The following UBE2U variants were observed in gnomAD, a reference collection of about 807,000 sequenced individuals.
The protein encoded by UBE2U is ubiquitin conjugating enzyme E2 U, also known as ubiquitin-conjugating enzyme E2 U.
Under a neutral mutation model 41.2 loss-of-function variants are expected in UBE2U, and 39 were observed. The ratio of observed to expected loss-of-function variants is 0.95; its 90% CI spans 0.73 to 1.24. The LOEUF is 1.24. Among genes scored for constraint, UBE2U ranks in the 50% most tolerant of loss-of-function variants. The pLI, the probability that UBE2U is intolerant of heterozygous loss-of-function variation, is 0.00. For missense variants in UBE2U, 336 were observed against 363.1 expected (o/e 0.93, Z 0.61); for synonymous variants, 107 against 117.8 (o/e 0.91, Z 0.60).
At chr1:64,207,561 G>A (rs1335271200) in intron 3 of UBE2U, among the ~76,000 whole-genome samples, 1 of 152,062 alleles carries the variant, frequency 6.6e-6, no homozygotes, top group Non-Finnish European at 1.5e-5. Context: ...CAATATTTTA[G>A]TTGGATCTAA....
intron 6 of UBE2U, among the ~76,000 whole-genome samples, chr1:64,229,017 T>C (rs1191915691): frequency 6.6e-6 from 1 of 152,060 alleles, no homozygotes; most frequent in South Asian, 2.1e-4. Flanking sequence ...CACGCCATCA[T>C]GCTCAGCTTA....
intron 6 of UBE2U, among the ~76,000 whole-genome samples, chr1:64,221,278 A>AT (rs961848515): frequency 2.0e-5 from 3 of 151,974 alleles, no homozygotes; most frequent in African/African-American, 7.3e-5. Flanking sequence ...CACCCGGCTA[A>AT]TTTTTTGTAT....
At position 64,253,724 on chromosome 1, in the gene UBE2U, A is replaced by G. The variant is rs187628162; in HGVS notation, c.678-6879A>G. On this transcript the variant is annotated intron_variant, in intron 8 of 9. Coordinates refer to ENST00000371077, the MANE Select transcript of UBE2U (RefSeq NM_001366232.2). ...AGAAAAGCAAATGCTGAGGGAATTC[A>G]TCACCACCAGGCCTGCCTTGCAAGA... 1.0e-3 allele frequency among the ~76,000 whole-genome samples: 157 copies of G among 152,298 alleles called. 1 individual carries two copies. The highest frequency in any genetic ancestry group is 3.7e-3 in the African/African-American group (152 of 41,566).
At chr1:64,216,275 T>G (rs1652006195) in intron 5 of UBE2U, among the ~76,000 whole-genome samples, 1 of 152,224 alleles carries the variant, frequency 6.6e-6, no homozygotes, top group Non-Finnish European at 1.5e-5. Context: ...GAAAATTCCC[T>G]TCTTCTAAGT....
chr1:64,232,588 T>C lies in UBE2U; in HGVS notation c.534T>C (p.Asp178=), dbSNP rs776284126. 2 of 1,613,356 alleles carry C rather than the reference T, an allele frequency of 1.2e-6. No individual in the cohort carries two copies. Among genetic ancestry groups the C allele is most frequent in the South Asian group, 2.2e-5 (2 of 90,976 alleles). ...IRPIKTTSFS[D]YYQTWSRIAT... is the part of the protein sequence containing the mutation. ...CAATTAAAACAACCTCATTTAGTGA[T>C]TACTACCAGACATGGTCCAGAATAG... The change falls in exon 7 of 10, where the codon GAT becomes GAC. Residue 178 remains aspartate, a synonymous_variant. Coordinates refer to ENST00000371077, the MANE Select transcript of UBE2U (RefSeq NM_001366232.2).
At chr1:64,214,766 TA>T in intron 4 of UBE2U, 48 bp from the exon 5 acceptor site, 4 of 1,503,800 alleles carry the variant, frequency 2.7e-6, no homozygotes, top group Non-Finnish European at 2.8e-6. Context: ...CGTTTTGCTC[TA>T]AAAAAAGTTT....
intron 3 of UBE2U, among the ~76,000 whole-genome samples, chr1:64,208,603 C>CAAAAAAAAAAAAA (rs56972795): frequency 5.5e-5 from 2 of 36,464 alleles, no homozygotes; most frequent in African/African-American, 1.2e-4. Flanking sequence ...GACGCTGTCT[C>CAAAAAAAAAAAAA]AAAAAAAAAA....
At position 64,206,755 on chromosome 1, in the gene UBE2U, A is replaced by G. The variant is rs1362349855; in HGVS notation, c.149-9A>G. 1.3e-6 allele frequency: 2 copies of G among 1,510,590 alleles called. No homozygotes were observed. Among genetic ancestry groups the G allele is most frequent in the East Asian group, 2.3e-5 (1 of 44,306 alleles). The allele number at this position is 1,510,590 out of a possible 1,614,324, so 93.6% of individuals were successfully genotyped here. On this transcript the variant is annotated splice_polypyrimidine_tract_variant and intron_variant, in intron 2 of 9. Transcript: ENST00000371077. ...CACTTTAGTAAAAATGTTTATTTCT[A>G]TATTATAGGTTTAGTCTTCCAACTG...
chr1:64,250,843 C>T (rs1644995924), intron 8 of UBE2U, among the ~76,000 whole-genome samples: 1 of 146,554 alleles, frequency 6.8e-6, no homozygotes, highest in East Asian at 2.0e-4. Flanking sequence ...TGTTCTCACT[C>T]ATAGGTGGGA....
rs1256130767 is a variant in UBE2U at position 64,205,670 on chromosome 1, T to C, written c.98T>C (p.Met33Thr). ...ACTGCTAAGCCTGTAAGTGAAGATA[T>C]GATGGAATGGGAAGTTGAAATTGAA... ...GITAKPVSED[M>T]MEWEVEIEGL... The change falls in exon 2 of 10, where the codon ATG becomes ACG. Residue 33 changes from methionine (M) to threonine (T), a missense_variant. Met to Thr is a moderately conservative substitution (Grantham distance 81). Transcript: ENST00000371077. 3 of 1,613,230 alleles carry C rather than the reference T, an allele frequency of 1.9e-6. No homozygotes were observed. The highest frequency in any genetic ancestry group is 1.7e-5 in the Admixed American group (1 of 59,968).
chr1:64,262,839 G>A (rs890008176), intron 9 of UBE2U, among the ~76,000 whole-genome samples: 5 of 152,074 alleles, frequency 3.3e-5, no homozygotes, highest in South Asian at 2.1e-4. Flanking sequence ...GAGTCTGTCC[G>A]GCACACATGC....
intron 7 of UBE2U, among the ~76,000 whole-genome samples, chr1:64,238,412 AAAAG>A (rs1480709863): frequency 1.3e-5 from 2 of 151,764 alleles, no homozygotes; most frequent in East Asian, 1.9e-4. Flanking sequence ...AAAAAAAAAA[AAAAG>A]AAAAGATAAA....
At chr1:64,211,700 C>A (rs1651674806) in intron 4 of UBE2U, among the ~76,000 whole-genome samples, 1 of 152,200 alleles carries the variant, frequency 6.6e-6, no homozygotes, top group Admixed American at 6.5e-5. Context: ...CTCAGCCTCC[C>A]AAAATGCTGG....
At position 64,214,700 on chromosome 1, in the gene UBE2U, C is replaced by A; in HGVS notation, c.340-115C>A. On this transcript the variant is annotated intron_variant, in intron 4 of 9. Coordinates refer to ENST00000371077, the MANE Select transcript of UBE2U (RefSeq NM_001366232.2). Reference sequence around the variant, plus strand: ...GTTATTTTTTAATCTATTTCCAGATCCATACATAGTAAGCATTTAATACAT... The same window carrying A: ...GTTATTTTTTAATCTATTTCCAGATACATACATAGTAAGCATTTAATACAT... 3 of 725,760 alleles carry A rather than the reference C, an allele frequency of 4.1e-6. No homozygotes were observed. In the South Asian group the frequency reaches 5.0e-5, roughly 12 times the overall value. The allele number at this position is 725,760 out of a possible 1,614,324, so 45.0% of individuals were successfully genotyped here.
chr1:64,219,660 A>G (rs997867725), intron 5 of UBE2U, among the ~76,000 whole-genome samples: 1 of 151,272 alleles, frequency 6.6e-6, no homozygotes, highest in Non-Finnish European at 1.5e-5. Context: ...TGGTGCGGCA[A>G]TCTGGGCTCA....
chr1:64,256,900 C>T lies in UBE2U; in HGVS notation c.678-3703C>T, dbSNP rs190755386. ...ATCCAGCATCTACAAGGGACTTAAA[C>T]AAATTTACAGGAAAAAAAAAACCAT... is the stretch of plus-strand genomic sequence containing the variant. On this transcript the variant is annotated intron_variant, in intron 8 of 9. Transcript: ENST00000371077. 3.1e-5 allele frequency among the ~76,000 whole-genome samples: 4 copies of T among 127,410 alleles called. No homozygotes were observed. The Admixed American group carries it at 3.3e-4, about 10-fold the overall frequency. 83.6% of individuals were successfully genotyped at this position (127,410 alleles called of 152,430 possible). A position where few individuals can be genotyped will look rare whatever the true frequency, so the allele number is the denominator to read the frequency against.
At chr1:64,240,826 A>G (rs1294520083) in intron 7 of UBE2U, among the ~76,000 whole-genome samples, 1 of 152,102 alleles carries the variant, frequency 6.6e-6, no homozygotes, top group African/African-American at 2.4e-5. Flanking sequence ...CAGTGGCGCA[A>G]TCTCAGCTCA....
intron 8 of UBE2U, among the ~76,000 whole-genome samples, chr1:64,254,622 T>C (rs985992849): frequency 1.3e-5 from 2 of 152,064 alleles, no homozygotes; most frequent in East Asian, 3.9e-4. Context: ...TACAACTAAA[T>C]GGAAATTGAG....
chr1:64,252,252 C>T (rs1270709699), intron 8 of UBE2U, among the ~76,000 whole-genome samples: 2 of 152,136 alleles, frequency 1.3e-5, no homozygotes, highest in Non-Finnish European at 2.9e-5. Flanking sequence ...TGATCTCACC[C>T]TGGGATGGAG....
Sources: gnomAD v4.1 joint callset for allele counts (sites outside exome capture counted in the v4.1 genomes callset) on GRCh38, gnomAD v4.1.1 for gene constraint, MANE v1.5 for transcripts, NCBI Gene and HGNC (gene_info 2026-07-23, HGNC 2026-07-21) for gene names.